Variants in PPIL4 observed in about 807,000 individuals in gnomAD.
PPIL4 encodes the protein peptidylprolyl isomerase like 4.
PPIL4 carries 50 observed loss-of-function variants against 69.1 expected under a neutral mutation model. The observed-to-expected ratio is 0.72, with a 90% CI of 0.58 to 0.92. The LOEUF (loss-of-function observed/expected upper bound fraction) is 0.92, where lower values mean the gene tolerates loss of function less well. Among genes scored for constraint, PPIL4 ranks in the 40% least tolerant of loss-of-function variants. The probability of loss-of-function intolerance (pLI) is 0.00; values close to 1 mark genes in which losing one functional copy is unlikely to be tolerated. For missense variants in PPIL4, 480 were observed against 587.9 expected (o/e 0.82, Z 1.90); for synonymous variants, 193 against 191.6 (o/e 1.01, Z -0.06).
chr6:149,519,420 C>A (rs1374007129), intron 10 of PPIL4, among the ~76,000 whole-genome samples: 1 of 152,166 alleles, frequency 6.6e-6, no homozygotes, highest in Non-Finnish European at 1.5e-5. Context: ...CAGCAGCTCA[C>A]CAACACTTTG....
chr6:149,536,344 A>C (rs1777275079), intron 4 of PPIL4, among the ~76,000 whole-genome samples: 1 of 152,254 alleles, frequency 6.6e-6, no homozygotes, highest in South Asian at 2.1e-4. Flanking sequence ...CTCTTACTTT[A>C]AATCAAAAGC....
chr6:149,521,437 G>A lies in PPIL4; in HGVS notation c.871-266C>T, dbSNP rs201382838. 1.4e-4 allele frequency among the ~76,000 whole-genome samples: 21 copies of A among 152,308 alleles called. No homozygotes were observed. In the East Asian group the frequency reaches 3.5e-3, roughly 25 times the overall value. On this transcript the variant is annotated intron_variant, in intron 9 of 12. Coordinates refer to ENST00000253329, the MANE Select transcript of PPIL4 (RefSeq NM_139126.4). The stretch of plus-strand genomic sequence containing the variant: ...CAAGGGTCAGAGCCAGGATTTTAGA[G>A]AGACAGTCCAACTGCAGTGAACAGA...
chr6:149,517,053 C>T (rs866793594), intron 11 of PPIL4: 11 of 187,862 alleles, frequency 5.9e-5, no homozygotes, highest in Middle Eastern at 4.0e-3. Flanking sequence ...TGAAGATCTT[C>T]TGAGAATATG....
intron 9 of PPIL4, among the ~76,000 whole-genome samples, chr6:149,524,580 T>C (rs2115033440): frequency 6.6e-6 from 1 of 152,306 alleles, no homozygotes; most frequent in East Asian, 1.9e-4. Flanking sequence ...TAAGAGTCTC[T>C]GAAGGGCTTT....
chr6:149,544,811 G>A (rs1777414464), intron 1 of PPIL4, among the ~76,000 whole-genome samples: 1 of 152,166 alleles, frequency 6.6e-6, no homozygotes, highest in African/African-American at 2.4e-5. Flanking sequence ...GGGAGGAATA[G>A]CTGCGTGCGA....
At chr6:149,517,574 G>T in intron 10 of PPIL4, 124 bp from the exon 11 acceptor site, 1 of 522,398 alleles carries the variant, frequency 1.9e-6, no homozygotes, top group Non-Finnish European at 3.3e-6. Context: ...CAGAGAAAGG[G>T]AACAAAAGAA....
At chr6:149,533,346 AATC>A (rs1220685954) in intron 7 of PPIL4, 109 bp downstream of exon 7, 18 of 651,678 alleles carry the variant, frequency 2.8e-5, no homozygotes, top group Admixed American at 1.3e-4. Flanking sequence ...ATCAGAAAAA[AATC>A]ATAACTCAAT....
At chr6:149,531,656 A>C (rs1425035105) in intron 7 of PPIL4, among the ~76,000 whole-genome samples, 1 of 152,126 alleles carries the variant, frequency 6.6e-6, no homozygotes, top group East Asian at 1.9e-4. Flanking sequence ...CAAAATTGGA[A>C]TATAAACTGT....
At chr6:149,539,192 A>G (rs1777324022) in intron 4 of PPIL4, among the ~76,000 whole-genome samples, 1 of 152,192 alleles carries the variant, frequency 6.6e-6, no homozygotes, top group Non-Finnish European at 1.5e-5. Flanking sequence ...AGATGCTATG[A>G]TAACTGTTGA....
chr6:149,534,813 G>T, intron 5 of PPIL4, 39 bp from the exon 6 acceptor site: 1 of 1,164,134 alleles, frequency 8.6e-7, no homozygotes, highest in Non-Finnish European at 1.2e-6. Flanking sequence ...ATACATTGAA[G>T]TTATTTCAGA....
intron 7 of PPIL4, among the ~76,000 whole-genome samples, chr6:149,531,692 C>T (rs758298355): frequency 1.2e-4 from 19 of 152,002 alleles, no homozygotes; most frequent in African/African-American, 2.2e-4. Flanking sequence ...TTTTTTGAGA[C>T]GGAGTCTCGC....
At chr6:149,524,522 CTCTT>C (rs746221873) in intron 9 of PPIL4, among the ~76,000 whole-genome samples, 29 of 152,266 alleles carry the variant, frequency 1.9e-4, no homozygotes, top group South Asian at 2.1e-4. Context: ...CAGTTCAGTT[CTCTT>C]TCTATTACTC....
At chr6:149,526,841 A>T (rs2115034384) in intron 7 of PPIL4, 65 bp from the exon 8 acceptor site, 1 of 1,444,530 alleles carries the variant, frequency 6.9e-7, no homozygotes, top group South Asian at 1.2e-5. Context: ...AATCCTATCC[A>T]ATCCCACAAT....
intron 7 of PPIL4, among the ~76,000 whole-genome samples, chr6:149,532,106 G>A (rs1050190112): frequency 9.2e-5 from 14 of 152,150 alleles, no homozygotes; most frequent in African/African-American, 3.1e-4. Context: ...GGAAATAACA[G>A]GCAACTTACT....
At chr6:149,542,780 A>C (rs1313077620) in intron 1 of PPIL4, among the ~76,000 whole-genome samples, 3 of 152,190 alleles carry the variant, frequency 2.0e-5, no homozygotes, top group Non-Finnish European at 4.4e-5. Context: ...AAGGGTGAGC[A>C]TTTTAGGTCT....
At chr6:149,541,682 TAAAAG>T in intron 1 of PPIL4, 96 bp from the exon 2 acceptor site, 1 of 718,972 alleles carries the variant, frequency 1.4e-6, no homozygotes, top group Non-Finnish European at 2.3e-6. Context: ...AAATTACTAT[TAAAAG>T]AAAAAAAAAG....
rs1583201244 is a variant in PPIL4, at chr6:149,505,395, C to A, written c.*58G>T. On this transcript the variant is annotated 3_prime_UTR_variant, in exon 13 of 13. Transcript: ENST00000253329. ...AAAATCTAAGCATCTGCTTTCCTGGCACTCTTAAGTTAGACAAGAGTAAAT... is the reference window on the plus strand; with the variant it reads ...AAAATCTAAGCATCTGCTTTCCTGGAACTCTTAAGTTAGACAAGAGTAAAT... The A allele has an allele frequency of 6.7e-7, 1 of 1,500,692 alleles. No homozygotes were observed. The highest frequency in any genetic ancestry group is 1.3e-5 in the South Asian group (1 of 78,048). 93.0% of individuals were successfully genotyped at this position (1,500,692 alleles called of 1,614,324 possible).
chr6:149,538,346 C>T (rs1215347478), intron 4 of PPIL4, among the ~76,000 whole-genome samples: 2 of 151,880 alleles, frequency 1.3e-5, no homozygotes, highest in Non-Finnish European at 2.9e-5. Context: ...TTTCAACTTT[C>T]AAGTATTACT....
At position 149,511,513 on chromosome 6, in the gene PPIL4, G is replaced by A. The variant is rs771849242; in HGVS notation, c.1227+642C>T. ...TGGTCTCCAACTCTTAAGCTCAAGC[G>A]ATCTACCTGCCTCGGCCTCCCAAAG... is the stretch of plus-strand genomic sequence containing the variant. On this transcript the variant is annotated intron_variant, in intron 12 of 12. Coordinates refer to ENST00000253329, the MANE Select transcript of PPIL4 (RefSeq NM_139126.4). Among the ~76,000 whole-genome samples, 10 of 152,154 alleles carry A rather than the reference G, an allele frequency of 6.6e-5. 1 individual carries two copies. The South Asian group carries it at 1.0e-3, about 16-fold the overall frequency.
Sources: allele counts gnomAD v4.1 joint callset (sites outside exome capture counted in the v4.1 genomes callset), GRCh38; gene constraint gnomAD v4.1.1; transcripts MANE v1.5; gene names NCBI Gene and HGNC (gene_info 2026-07-23, HGNC 2026-07-21).